AKAP1: variants seen among roughly 807,000 people sequenced by gnomAD.
AKAP1 encodes the protein A-kinase anchor protein 1, mitochondrial.
In AKAP1, 32 loss-of-function variants were observed where a neutral mutation model predicts 79.8. The ratio of observed to expected loss-of-function variants is 0.40; its 90% confidence interval spans 0.30 to 0.54. The LOEUF is 0.54. AKAP1 is among the 20% of genes least tolerant of loss of function. AKAP1 has a pLI of 0.47. For synonymous variants in AKAP1, 416 were observed against 466.7 expected, an observed-to-expected ratio of 0.89 and a Z score of 1.40; for missense variants, 961 against 1,138.9, an observed-to-expected ratio of 0.84 and a Z score of 2.25.
At chr17:57,119,764 CAACAGAATACTT>C (rs1915802509) in intron 10 of AKAP1, among the ~76,000 whole-genome samples, 1 of 149,424 alleles carries the variant, frequency 6.7e-6, no homozygotes, top group African/African-American at 2.5e-5. Context: ...CCACAGCAGC[CAACAGAATACTT>C]AAATAAATGT....
At chr17:57,099,025 A>G (rs944477529) in intron 1 of AKAP1, among the ~76,000 whole-genome samples, 4 of 151,200 alleles carry the variant, frequency 2.6e-5, no homozygotes, top group Non-Finnish European at 5.9e-5. Flanking sequence ...TCGGCCTCCC[A>G]AAGTGCTGGG....
Position 57,086,627 on chromosome 17 carries a change from G to C in AKAP1, c.-25+1229G>C, listed in dbSNP as rs76248470. ...GGGTATCTTTCCCCTACTGTAGTGCGCGTTACTTCGTGTTTAGATTTGTCT... is the reference window on the plus strand; with the variant it reads ...GGGTATCTTTCCCCTACTGTAGTGCCCGTTACTTCGTGTTTAGATTTGTCT... On this transcript the variant is annotated intron_variant, in intron 1 of 10. Coordinates refer to ENST00000337714, the MANE Select transcript of AKAP1 (RefSeq NM_003488.4). The surrounding 1 kb of genome is among the most constrained non-coding windows in gnomAD (Gnocchi z 5.1). The C allele has an allele frequency of 3.1e-3, 1,029 of 331,908 alleles. 12 individuals carry two copies. Among genetic ancestry groups the C allele is most frequent in the African/African-American group, 0.022 (979 of 44,836 alleles). 20.6% of individuals were successfully genotyped at this position (331,908 alleles called of 1,614,324 possible).
Position 57,103,028 on chromosome 17 carries a change from G to A in AKAP1, c.-24-2413G>A, listed in dbSNP as rs573325139. Among the ~76,000 whole-genome samples, 8 of 151,824 alleles carry A rather than the reference G, an allele frequency of 5.3e-5. No homozygotes were observed. The South Asian group carries it at 8.4e-4, about 16-fold the overall frequency. On this transcript the variant is annotated intron_variant, in intron 1 of 10. Transcript: ENST00000337714. Reference sequence around the variant, plus strand: ...CTGGAGGCAGAGGTTGTAATGAGCCGAGATCACACCACTGCACTCCAGCCT... The same window carrying A: ...CTGGAGGCAGAGGTTGTAATGAGCCAAGATCACACCACTGCACTCCAGCCT...
intron 1 of AKAP1, among the ~76,000 whole-genome samples, chr17:57,091,174 T>C (rs1414635715): frequency 6.6e-6 from 1 of 152,160 alleles, no homozygotes; most frequent in African/African-American, 2.4e-5. Context: ...TGAACTGCCT[T>C]GGAGGGAGAC....
intron 2 of AKAP1, among the ~76,000 whole-genome samples, chr17:57,108,967 G>A (rs1915070544): frequency 6.6e-6 from 1 of 152,222 alleles, no homozygotes; most frequent in Non-Finnish European, 1.5e-5. Flanking sequence ...CCCCAGAAGG[G>A]GTACTTTTCC....
At chr17:57,115,569 G>A (rs1915530668) in intron 6 of AKAP1, among the ~76,000 whole-genome samples, 1 of 152,170 alleles carries the variant, frequency 6.6e-6, no homozygotes, top group South Asian at 2.1e-4. Context: ...CCTTGATCCT[G>A]GGTGGCTGCC....
At chr17:57,093,635 G>A (rs1409902165) in intron 1 of AKAP1, 1 of 152,194 alleles carries the variant, frequency 6.6e-6, no homozygotes, top group Non-Finnish European at 1.5e-5. Flanking sequence ...ACATAAAGCT[G>A]TGTGGTAATA....
Position 57,117,930 on chromosome 17 carries a change from G to A in AKAP1, c.2501-451G>A, listed in dbSNP as rs1439311794. Among the ~76,000 whole-genome samples the A allele has an allele frequency of 2.0e-5, 3 of 152,152 alleles. No individual in the cohort carries two copies. The East Asian group carries it at 5.8e-4, about 29-fold the overall frequency. Reference sequence around the variant, plus strand: ...GCTGTGTGGCCAACTGCCTGGGTTTGATTCCCACCTTCACCACTTGGGAGC... The same window carrying A: ...GCTGTGTGGCCAACTGCCTGGGTTTAATTCCCACCTTCACCACTTGGGAGC... On this transcript the variant is annotated intron_variant, in intron 8 of 10. Coordinates refer to ENST00000337714, the MANE Select transcript of AKAP1 (RefSeq NM_003488.4).
At chr17:57,120,187 T>A (rs1915844122) in intron 10 of AKAP1, 63 bp from the exon 11 acceptor site, 12 of 1,514,584 alleles carry the variant, frequency 7.9e-6, no homozygotes, top group Non-Finnish European at 5.4e-6. Flanking sequence ...AGAACTCATG[T>A]TGGCTAGGGA....
At chr17:57,111,045 T>G (rs1457646705) in intron 3 of AKAP1, among the ~76,000 whole-genome samples, 1 of 152,108 alleles carries the variant, frequency 6.6e-6, no homozygotes, top group African/African-American at 2.4e-5. Flanking sequence ...GTTTCCTCCC[T>G]GGGGGGCCCT....
In AKAP1 at chr17:57,106,324, C is replaced by T. The variant is rs779327913; in HGVS notation, c.860C>T (p.Ala287Val). ...TELAKDDAAPAPPVADAKAQD... is the reference protein window; with the variant it reads ...TELAKDDAAPVPPVADAKAQD... ...CTGGCAAAGGACGATGCGGCGCCAG[C>T]ACCCCCAGTCGCAGACGCCAAAGCC... is the stretch of plus-strand genomic sequence containing the variant. Residue 287 changes from alanine to valine, a missense_variant, in exon 2 of 11, where the codon GCA (alanine) becomes GTA (valine). Coordinates refer to ENST00000337714, the MANE Select transcript of AKAP1 (RefSeq NM_003488.4). The T allele has an allele frequency of 1.2e-6, 2 of 1,613,988 alleles. No homozygotes were observed. The highest frequency in any genetic ancestry group is 1.3e-5 in the African/African-American group (1 of 74,888).
intron 1 of AKAP1, chr17:57,092,528 G>A (rs1471930266): frequency 6.6e-6 from 1 of 152,206 alleles, no homozygotes; most frequent in Non-Finnish European, 1.5e-5. Context: ...ACCCTTAGTG[G>A]TGGCTCTGTA....
rs1325654217 is a variant in AKAP1 at position 57,086,096 on chromosome 17, C to CG, written c.-25+704dup. The CG allele has an allele frequency of 4.0e-6, 1 of 253,148 alleles. No homozygotes were observed. Among genetic ancestry groups the CG allele is most frequent in the Non-Finnish European group, 7.9e-6 (1 of 126,026 alleles). 15.7% of individuals were successfully genotyped at this position (253,148 alleles called of 1,614,324 possible). On this transcript the variant is annotated intron_variant, in intron 1 of 10. Coordinates refer to ENST00000337714, the MANE Select transcript of AKAP1 (RefSeq NM_003488.4). The surrounding 1 kb of genome is among the most constrained non-coding windows in gnomAD (Gnocchi z 5.1). ...GGAGGTCGGAGGCTCAGGGGCGTCT[C>CG]GGGGGGAATTTGCATTCGTAGCCCC...
Position 57,087,632 on chromosome 17 carries a change from C to T in AKAP1, c.-25+2234C>T, listed in dbSNP as rs547289457. 1.2e-4 allele frequency among the ~76,000 whole-genome samples: 18 copies of T among 152,260 alleles called. 1 individual carries two copies. The highest frequency in any genetic ancestry group is 4.1e-4 in the African/African-American group (17 of 41,548). On this transcript the variant is annotated intron_variant, in intron 1 of 10. Transcript: ENST00000337714. ...ATAGGTGCTTAAGCATTGCTCTTCC[C>T]CTCTCCTCCCTGAACAATCCCTGAG...
At chr17:57,118,956 T>C (rs775871048) in intron 9 of AKAP1, 26 bp from the exon 10 acceptor site, 2 of 1,611,392 alleles carry the variant, frequency 1.2e-6, no homozygotes, top group East Asian at 2.2e-5. Context: ...CCTAACCATA[T>C]TATTCTTTCC....
chr17:57,114,335 G>T, intron 5 of AKAP1, 124 bp from the exon 6 acceptor site: 1 of 1,176,738 alleles, frequency 8.5e-7, no homozygotes, highest in South Asian at 1.5e-5. Flanking sequence ...TGGGTGCCAT[G>T]TTGTCTTGAG....
In AKAP1 at chr17:57,106,710, G is replaced by T; in HGVS notation, c.1246G>T (p.Asp416Tyr). ...AGCAGAGGCAGCTGTTGCCCCGCCG[G>T]ATGCTGGCCTCCCCTTGCCAGGCCT... is the stretch of plus-strand genomic sequence containing the variant. Reference protein sequence around the residue: ...ATAEAAVAPPDAGLPLPGLPA... With the variant: ...ATAEAAVAPPYAGLPLPGLPA... Residue 416 changes from aspartate to tyrosine, a missense_variant, in exon 2 of 11, where the codon GAT becomes TAT. Coordinates refer to ENST00000337714, the MANE Select transcript of AKAP1 (RefSeq NM_003488.4). 6.2e-7 allele frequency: 1 copy of T among 1,614,020 alleles called. No individual in the cohort carries two copies. Among genetic ancestry groups the T allele is most frequent in the African/African-American group, 1.3e-5 (1 of 75,054 alleles).
Position 57,116,115 on chromosome 17 carries a change from G to C in AKAP1, c.2286G>C (p.Thr762=). The change falls in exon 7 of 11, where the codon ACG becomes ACC. Residue 762 remains threonine, a synonymous_variant. Transcript: ENST00000337714. ...IPTLPTPVEI[T]VICAAPGADG... ...ACTCTGCTCCCTACCCTGCAGTAAC[G>C]GTCATCTGTGCCGCCCCTGGTGCGG... The C allele has an allele frequency of 6.2e-7, 1 of 1,612,750 alleles. No homozygotes were observed. Among genetic ancestry groups the C allele is most frequent in the Non-Finnish European group, 8.5e-7 (1 of 1,179,952 alleles).
chr17:57,111,207 G>A (rs1915226410), intron 3 of AKAP1, among the ~76,000 whole-genome samples: 2 of 152,218 alleles, frequency 1.3e-5, no homozygotes, highest in South Asian at 4.1e-4. Flanking sequence ...GCTAAGTTTG[G>A]CTGCTTCTAT....
Sources: allele counts gnomAD v4.1 joint callset (sites outside exome capture counted in the v4.1 genomes callset), GRCh38; gene constraint gnomAD v4.1.1; non-coding constraint Gnocchi (gnomAD v3.1); transcripts MANE v1.5; gene names NCBI Gene and HGNC (gene_info 2026-07-23, HGNC 2026-07-21).